EXOC2: variants seen among roughly 807,000 people sequenced by gnomAD.
The protein encoded by EXOC2 is SEC5-like 1.
Under a neutral mutation model 131.8 loss-of-function variants are expected in EXOC2, and 70 were observed. The observed-to-expected ratio is 0.53, with a 90% CI of 0.44 to 0.65. The LOEUF is 0.65. Among genes scored for constraint, EXOC2 ranks in the 30% least tolerant of loss-of-function variants. The pLI is 0.00. For missense variants in EXOC2, 923 were observed against 1,108.6 expected (o/e 0.83, Z 2.38); for synonymous variants, 411 against 398.4 (o/e 1.03, Z -0.38).
intron 23 of EXOC2, among the ~76,000 whole-genome samples, chr6:510,548 A>C (rs1764783072): frequency 6.6e-6 from 1 of 152,232 alleles, no homozygotes; most frequent in Admixed American, 6.5e-5. Context: ...CTTTATATTC[A>C]TAAGAGTTTA....
rs6924658 is a variant in EXOC2 at position 635,838 on chromosome 6, G to A, written c.118+1863C>T. Among the ~76,000 whole-genome samples the A allele has an allele frequency of 2.6e-3, 394 of 152,352 alleles. 1 individual carries two copies. Among genetic ancestry groups the A allele is most frequent in the African/African-American group, 8.3e-3 (344 of 41,590 alleles). On this transcript the variant is annotated intron_variant, in intron 2 of 27. Coordinates refer to ENST00000230449, the MANE Select transcript of EXOC2 (RefSeq NM_018303.6). ...AGCACTTTGGGAGACCGAGGCAGGC[G>A]GATCACGAGGTCAAGAGATTGTGAC...
At chr6:641,358 T>C (rs2127721895) in intron 1 of EXOC2, among the ~76,000 whole-genome samples, 1 of 152,254 alleles carries the variant, frequency 6.6e-6, no homozygotes, top group South Asian at 2.1e-4. Flanking sequence ...TTTCCGGCAA[T>C]AGGAGGGTCT....
chr6:573,037 G>A (rs1246769053), intron 12 of EXOC2, among the ~76,000 whole-genome samples: 1 of 152,228 alleles, frequency 6.6e-6, no homozygotes, highest in Admixed American at 6.5e-5. Flanking sequence ...AGGGGCTGCT[G>A]TGCAGCCAGT....
At chr6:553,501 A>G (rs907711987) in intron 21 of EXOC2, among the ~76,000 whole-genome samples, 1 of 152,018 alleles carries the variant, frequency 6.6e-6, no homozygotes. Flanking sequence ...CTCTGGTTGA[A>G]GAGGCAGGAG....
chr6:657,121 A>G, intron 1 of EXOC2: 1 of 464,088 alleles, frequency 2.2e-6, no homozygotes, highest in Non-Finnish European at 3.7e-6. Flanking sequence ...CCGCAGCCCT[A>G]GGCCTGGAGC....
At chr6:501,692 G>GAT (rs564377846) in intron 23 of EXOC2, among the ~76,000 whole-genome samples, 1 of 118,164 alleles carries the variant, frequency 8.5e-6, no homozygotes, top group African/African-American at 3.2e-5. Flanking sequence ...ATCTATAAAA[G>GAT]ATATATATAT....
chr6:534,774 C>T (rs1766338494), intron 22 of EXOC2, among the ~76,000 whole-genome samples: 1 of 152,214 alleles, frequency 6.6e-6, no homozygotes, highest in African/African-American at 2.4e-5. Context: ...AAAACAGTGA[C>T]AGGCAATAAC....
rs189730233 is a variant in EXOC2, at chr6:529,167, A to G, written c.2380+3302T>C. 1.5e-3 allele frequency among the ~76,000 whole-genome samples: 233 copies of G among 151,164 alleles called. 1 individual carries two copies. The highest frequency in any genetic ancestry group is 4.9e-3 in the African/African-American group (202 of 41,290). Reference sequence around the variant, plus strand: ...TCACTCAAGTGCTGCCACACGATTCACAGCCTCGTGATAATGGCCAGCAGC... The same window carrying G: ...TCACTCAAGTGCTGCCACACGATTCGCAGCCTCGTGATAATGGCCAGCAGC... On this transcript the variant is annotated intron_variant, in intron 23 of 27. Coordinates refer to ENST00000230449, the MANE Select transcript of EXOC2 (RefSeq NM_018303.6).
Position 569,362 on chromosome 6 carries a change from T to C in EXOC2, c.1443+3158A>G, listed in dbSNP as rs752523967. Among the ~76,000 whole-genome samples the C allele has an allele frequency of 1.3e-5, 2 of 152,242 alleles. 1 individual carries two copies. The highest frequency in any genetic ancestry group is 4.1e-4 in the South Asian group (2 of 4,838). On this transcript the variant is annotated intron_variant, in intron 13 of 27. Transcript: ENST00000230449. ...TCACTGTTTTGATTCACATTTGTTA[T>C]TTCACATGGCCTTCACTGGCTTGAA...
At chr6:687,775 A>T (rs939664511) in intron 1 of EXOC2, among the ~76,000 whole-genome samples, 1 of 152,272 alleles carries the variant, frequency 6.6e-6, no homozygotes, top group Non-Finnish European at 1.5e-5. Flanking sequence ...AGCTGAAACC[A>T]GACAGCACTG....
chr6:677,785 A>G (rs892266378), intron 1 of EXOC2, among the ~76,000 whole-genome samples: 2 of 152,130 alleles, frequency 1.3e-5, no homozygotes, highest in African/African-American at 2.4e-5. Flanking sequence ...GTACTTTTCT[A>G]TGTTCTTGCC....
At chr6:645,577 CAAAG>C (rs1325734396) in intron 1 of EXOC2, among the ~76,000 whole-genome samples, 2 of 112,154 alleles carry the variant, frequency 1.8e-5, no homozygotes, top group Non-Finnish European at 3.9e-5. Flanking sequence ...AATCTGATAA[CAAAG>C]GAAGCAACCC....
intron 11 of EXOC2, among the ~76,000 whole-genome samples, chr6:580,205 C>T (rs1182063121): frequency 2.0e-5 from 3 of 152,228 alleles, no homozygotes; most frequent in Admixed American, 1.3e-4. Context: ...CCATGCCCAG[C>T]TAATTTTTGT....
In EXOC2 at chr6:692,457, C is replaced by A. The variant is rs1053935547; in HGVS notation, c.-44+562G>T. 4.6e-5 allele frequency among the ~76,000 whole-genome samples: 7 copies of A among 152,236 alleles called. No homozygotes were observed. The East Asian group carries it at 1.2e-3, about 25-fold the overall frequency. On this transcript the variant is annotated intron_variant, in intron 1 of 27. Coordinates refer to ENST00000230449, the MANE Select transcript of EXOC2 (RefSeq NM_018303.6). Reference sequence around the variant, plus strand: ...GGACCTCAGGCTCTTTGCTCAAGCACTCTGAGCCGCCGCTCCCCTATCCGT... The same window carrying A: ...GGACCTCAGGCTCTTTGCTCAAGCAATCTGAGCCGCCGCTCCCCTATCCGT...
intron 11 of EXOC2, among the ~76,000 whole-genome samples, chr6:582,786 CAG>C (rs1413105527): frequency 6.6e-6 from 1 of 151,980 alleles, no homozygotes; most frequent in African/African-American, 2.4e-5. Context: ...AAAGTCCTGA[CAG>C]GGGCATTTCC....
intron 1 of EXOC2, among the ~76,000 whole-genome samples, chr6:691,971 G>T (rs915580078): frequency 5.9e-5 from 9 of 152,308 alleles, no homozygotes; most frequent in African/African-American, 2.2e-4. Flanking sequence ...TCTTTGAGAA[G>T]ATTCTGGCTT....
intron 1 of EXOC2, among the ~76,000 whole-genome samples, chr6:657,692 C>G (rs942165167): frequency 1.3e-5 from 2 of 151,472 alleles, no homozygotes; most frequent in Non-Finnish European, 2.9e-5. Context: ...CTGCAGAAAG[C>G]TACATGAACA....
intron 26 of EXOC2, among the ~76,000 whole-genome samples, chr6:489,270 C>T (rs1003284622): frequency 2.0e-5 from 3 of 152,174 alleles, no homozygotes; most frequent in South Asian, 2.1e-4. Context: ...GGAAATGAAA[C>T]GCTACTTGAA....
rs1326092182 is a variant in EXOC2, at chr6:486,378, C to G, written c.*293G>C. 1.5e-5 allele frequency: 4 copies of G among 265,478 alleles called. No homozygotes were observed. The highest frequency in any genetic ancestry group is 2.8e-5 in the Non-Finnish European group (4 of 141,062). The allele number at this position is 265,478 out of a possible 1,614,324, so 16.4% of individuals were successfully genotyped here. Reference sequence around the variant, plus strand: ...CATTCCAGAAAACTCCCTGCAGAAGCAGCTCTTCCTGCAGCACTCAACCTT... The same window carrying G: ...CATTCCAGAAAACTCCCTGCAGAAGGAGCTCTTCCTGCAGCACTCAACCTT... On this transcript the variant is annotated 3_prime_UTR_variant, in exon 28 of 28. Coordinates refer to ENST00000230449, the MANE Select transcript of EXOC2 (RefSeq NM_018303.6).
Sources: allele counts gnomAD v4.1 joint callset (sites outside exome capture counted in the v4.1 genomes callset), GRCh38; gene constraint gnomAD v4.1.1; transcripts MANE v1.5; gene names NCBI Gene and HGNC (gene_info 2026-07-23, HGNC 2026-07-21).